The following APBA2 variants were observed in gnomAD, a reference collection of about 807,000 sequenced individuals.
APBA2 encodes the protein amyloid-beta A4 precursor protein-binding family A member 2.
Under a neutral mutation model 75.0 loss-of-function variants are expected in APBA2, and 30 were observed. The ratio of observed to expected loss-of-function variants is 0.40; its 90% CI spans 0.30 to 0.54. The LOEUF (loss-of-function observed/expected upper bound fraction) is 0.54, where lower values mean the gene tolerates loss of function less well. APBA2 is among the 20% of genes least tolerant of loss of function. The pLI, the probability that APBA2 is intolerant of heterozygous loss-of-function variation, is 0.49. For synonymous variants in APBA2, 444 were observed against 409.6 expected (o/e 1.08, Z -1.01); for missense variants, 801 against 1,016.1 (o/e 0.79, Z 2.88).
intron 4 of APBA2, among the ~76,000 whole-genome samples, chr15:29,064,441 G>A (rs2042287818): frequency 6.6e-6 from 1 of 152,200 alleles, no homozygotes; most frequent in Middle Eastern, 3.2e-3. Flanking sequence ...ACTCATTCTA[G>A]AGGGAGACGG....
At chr15:28,943,744 C>G (rs576956644) in intron 2 of APBA2, among the ~76,000 whole-genome samples, 2 of 145,202 alleles carry the variant, frequency 1.4e-5, no homozygotes, top group East Asian at 3.9e-4. Flanking sequence ...CTCCTCCAGC[C>G]CTGGCTCCTC....
At chr15:29,029,518 T>G (rs1480017717) in intron 3 of APBA2, among the ~76,000 whole-genome samples, 1 of 152,214 alleles carries the variant, frequency 6.6e-6, no homozygotes, top group African/African-American at 2.4e-5. Context: ...ATATTTTGTT[T>G]TGTTTTTGTT....
intron 13 of APBA2, among the ~76,000 whole-genome samples, chr15:29,112,342 A>G (rs16955140): frequency 0.063 from 9,644 of 152,270 alleles, 1,031 homozygotes; most frequent in African/African-American, 0.22. Context: ...GGCAGGTGGC[A>G]ATGCTTAGCA....
chr15:28,898,083 A>T (rs1028159422), intron 1 of APBA2, among the ~76,000 whole-genome samples: 1 of 152,166 alleles, frequency 6.6e-6, no homozygotes, highest in Admixed American at 6.5e-5. Context: ...GAAACTGGAC[A>T]GGGCCAGGTA....
At chr15:28,978,174 G>C (rs2037440090) in intron 2 of APBA2, among the ~76,000 whole-genome samples, 1 of 152,312 alleles carries the variant, frequency 6.6e-6, no homozygotes, top group South Asian at 2.1e-4. Flanking sequence ...TGTCCCTCTT[G>C]GGCGTTTGCC....
intron 2 of APBA2, among the ~76,000 whole-genome samples, chr15:28,949,631 G>C (rs888750298): frequency 6.6e-6 from 1 of 152,098 alleles, no homozygotes; most frequent in African/African-American, 2.4e-5. Context: ...ACCATGCCTG[G>C]CTAATTTTTA....
chr15:29,013,036 C>A (rs182425562), intron 3 of APBA2, among the ~76,000 whole-genome samples: 15 of 152,108 alleles, frequency 9.9e-5, no homozygotes, highest in African/African-American at 3.6e-4. Flanking sequence ...CCACAGAGAT[C>A]ATTTAAAAAA....
intron 12 of APBA2, among the ~76,000 whole-genome samples, chr15:29,107,415 C>T (rs545862035): frequency 2.1e-4 from 32 of 152,290 alleles, no homozygotes; most frequent in Admixed American, 6.5e-4. Context: ...CTGCTGCTGG[C>T]GGCTCTTGTG....
intron 14 of APBA2, among the ~76,000 whole-genome samples, chr15:29,114,312 T>TAGAG (rs2044923403): frequency 1.3e-5 from 2 of 152,236 alleles, no homozygotes; most frequent in African/African-American, 4.8e-5. Context: ...CACACAGCTC[T>TAGAG]GGCCACCCTG....
intron 4 of APBA2, among the ~76,000 whole-genome samples, chr15:29,069,501 C>T (rs2152918137): frequency 6.6e-6 from 1 of 152,346 alleles, no homozygotes; most frequent in East Asian, 1.9e-4. Flanking sequence ...TGATTACTTT[C>T]AAAGGAAAAA....
intron 8 of APBA2, among the ~76,000 whole-genome samples, chr15:29,097,357 C>T (rs1797029352): frequency 6.6e-6 from 1 of 152,244 alleles, no homozygotes; most frequent in Non-Finnish European, 1.5e-5. Context: ...CGGTCAAGCT[C>T]CCGGGGGCTG....
In APBA2 at chr15:29,031,280, A is replaced by C. The variant is rs2152844626; in HGVS notation, c.-40-22565A>C. Among the ~76,000 whole-genome samples the C allele has an allele frequency of 1.3e-5, 2 of 152,346 alleles. 1 individual carries two copies. Among genetic ancestry groups the C allele is most frequent in the South Asian group, 4.1e-4 (2 of 4,820 alleles). ...TGCATTCATTTGCTCAGGCTGCGGT[A>C]ACAAAACACAGACTTGGTGTCGGAA... On this transcript the variant is annotated intron_variant, in intron 3 of 14. Coordinates refer to ENST00000683413, the MANE Select transcript of APBA2 (RefSeq NM_001353788.2).
At chr15:28,911,402 G>A (rs1038898478) in intron 1 of APBA2, among the ~76,000 whole-genome samples, 7 of 152,172 alleles carry the variant, frequency 4.6e-5, no homozygotes, top group Non-Finnish European at 7.4e-5. Context: ...TTTTGGGGAC[G>A]GAGCCTGTGG....
At chr15:28,942,002 G>A (rs200092548) in intron 2 of APBA2, among the ~76,000 whole-genome samples, 1 of 152,146 alleles carries the variant, frequency 6.6e-6, no homozygotes, top group Non-Finnish European at 1.5e-5. Context: ...CTCGTGATCC[G>A]CCCGCCTCAG....
At position 29,042,264 on chromosome 15, in the gene APBA2, C is replaced by CCT. The variant is rs369076976; in HGVS notation, c.-40-11569_-40-11568dup. The stretch of plus-strand genomic sequence containing the variant: ...TAATTATATCTGCAGTAATCCCCTT[C>CCT]CTCTCTCTCTCTCGCTGTCTCTTCT... On this transcript the variant is annotated intron_variant, in intron 3 of 14. Transcript: ENST00000683413. 3.6e-3 allele frequency among the ~76,000 whole-genome samples: 548 copies of CCT among 151,834 alleles called. 1 individual carries two copies. Among genetic ancestry groups the CCT allele is most frequent in the Non-Finnish European group, 5.2e-3 (356 of 67,876 alleles).
intron 2 of APBA2, among the ~76,000 whole-genome samples, chr15:28,975,415 A>G (rs1480829507): frequency 6.6e-6 from 1 of 152,224 alleles, no homozygotes. Context: ...ATTAGAGAGA[A>G]CCCTTTAAAA....
chr15:28,981,252 T>C (rs952953355), intron 2 of APBA2, among the ~76,000 whole-genome samples: 8 of 152,150 alleles, frequency 5.3e-5, no homozygotes, highest in South Asian at 2.1e-4. Context: ...ATACAAACTA[T>C]GCATCCAACA....
chr15:29,059,728 G>A (rs1445599338), intron 4 of APBA2, among the ~76,000 whole-genome samples: 1 of 152,168 alleles, frequency 6.6e-6, no homozygotes, highest in African/African-American at 2.4e-5. Flanking sequence ...GCCCCTAGGA[G>A]CAATGTATTC....
intron 7 of APBA2, among the ~76,000 whole-genome samples, chr15:29,094,003 G>A (rs1027969235): frequency 2.6e-5 from 4 of 152,230 alleles, no homozygotes; most frequent in African/African-American, 9.6e-5. Flanking sequence ...GCTGCCTGGA[G>A]CTCAGCTCCC....
Sources: gnomAD v4.1 joint callset for allele counts (sites outside exome capture counted in the v4.1 genomes callset) on GRCh38, gnomAD v4.1.1 for gene constraint, MANE v1.5 for transcripts, NCBI Gene and HGNC (gene_info 2026-07-23, HGNC 2026-07-21) for gene names.